Variants in GHR observed in about 807,000 individuals in gnomAD.
GHR encodes the protein GH receptor.
A neutral mutation model predicts 67.1 loss-of-function variants in GHR; 35 were observed. That is an observed-to-expected ratio of 0.52 (90% CI 0.40 to 0.69). The LOEUF (loss-of-function observed/expected upper bound fraction) is 0.69. Among genes scored for constraint, GHR ranks in the 30% least tolerant of loss-of-function variants. The pLI is 0.00. For synonymous variants in GHR, 272 were observed against 269.1 expected (o/e 1.01, Z -0.10); for missense variants, 792 against 764.6 (o/e 1.04, Z -0.42).
chr5:42,563,342 C>T (rs1246934547), intron 1 of GHR, among the ~76,000 whole-genome samples: 1 of 151,830 alleles, frequency 6.6e-6, no homozygotes, highest in Non-Finnish European at 1.5e-5. Context: ...AGGCTGGGCA[C>T]GGTGGCTCAT....
intron 3 of GHR, among the ~76,000 whole-genome samples, chr5:42,679,623 CAA>C (rs765140556): frequency 6.0e-5 from 8 of 133,134 alleles, no homozygotes; most frequent in Admixed American, 1.5e-4. Flanking sequence ...GACTGCATCT[CAA>C]AAAAAAAAAA....
intron 1 of GHR, among the ~76,000 whole-genome samples, chr5:42,474,295 G>GAGAAAGAAAGAAAGAAAAAA (rs1554054586): frequency 1.2e-5 from 1 of 81,070 alleles, no homozygotes; most frequent in South Asian, 4.5e-4. Flanking sequence ...AAAAGAGAAA[G>GAGAAAGAAAGAAAGAAAAAA]AGAAAGAAAG....
intron 1 of GHR, among the ~76,000 whole-genome samples, chr5:42,478,723 C>T (rs1385306554): frequency 6.6e-6 from 1 of 152,110 alleles, no homozygotes; most frequent in Non-Finnish European, 1.5e-5. Context: ...GTGATTTTTG[C>T]ATATTGATTT....
At chr5:42,543,436 G>T (rs535755429) in intron 1 of GHR, among the ~76,000 whole-genome samples, 63 of 152,218 alleles carry the variant, frequency 4.1e-4, no homozygotes, top group African/African-American at 1.5e-3. Flanking sequence ...TGGTGGTAAA[G>T]TATCTTAGTT....
chr5:42,603,484 G>T (rs1376724252), intron 2 of GHR, among the ~76,000 whole-genome samples: 1 of 151,718 alleles, frequency 6.6e-6, no homozygotes, highest in Admixed American at 6.6e-5. Flanking sequence ...ATGTATATGG[G>T]TTCACTTGAT....
At chr5:42,622,646 G>A (rs896188897) in intron 2 of GHR, among the ~76,000 whole-genome samples, 1 of 152,272 alleles carries the variant, frequency 6.6e-6, no homozygotes, top group African/African-American at 2.4e-5. Context: ...TGTATAGCTT[G>A]GTTGCTGTAT....
rs116549241 is a variant in GHR at position 42,550,809 on chromosome 5, T to C, written c.-11-15055T>C. On this transcript the variant is annotated intron_variant, in intron 1 of 9. Coordinates refer to ENST00000230882, the MANE Select transcript of GHR (RefSeq NM_000163.5). ...TAGTGTTTATTTGGCATAGCAGCTG[T>C]TCAGGTGGAGCCCAGGCAGAATTTT... 8.0e-3 allele frequency among the ~76,000 whole-genome samples: 1,224 copies of C among 152,228 alleles called. 6 individuals carry two copies. The highest frequency in any genetic ancestry group is 0.026 in the South Asian group (127 of 4,816).
intron 3 of GHR, among the ~76,000 whole-genome samples, chr5:42,654,344 A>G (rs1448661660): frequency 1.3e-5 from 2 of 152,156 alleles, no homozygotes; most frequent in African/African-American, 2.4e-5. Context: ...TTCTGTACCA[A>G]TGCCCTGCCC....
intron 1 of GHR, among the ~76,000 whole-genome samples, chr5:42,469,103 G>A (rs1409363072): frequency 6.6e-6 from 1 of 152,212 alleles, no homozygotes; most frequent in Non-Finnish European, 1.5e-5. Context: ...GTAGAAAGAA[G>A]CTTCTCTTGT....
At chr5:42,492,835 A>G (rs1381924591) in intron 1 of GHR, among the ~76,000 whole-genome samples, 1 of 152,206 alleles carries the variant, frequency 6.6e-6, no homozygotes, top group African/African-American at 2.4e-5. Context: ...CAAATTCAAG[A>G]TAAGACCCAA....
chr5:42,513,697 G>A (rs372918632), intron 1 of GHR, among the ~76,000 whole-genome samples: 1 of 152,000 alleles, frequency 6.6e-6, no homozygotes, highest in East Asian at 1.9e-4. Flanking sequence ...CAGGAGAATC[G>A]CTTGAACTCG....
At chr5:42,580,271 C>T (rs188904143) in intron 2 of GHR, among the ~76,000 whole-genome samples, 54 of 152,144 alleles carry the variant, frequency 3.5e-4, no homozygotes, top group Admixed American at 1.0e-3. Flanking sequence ...GTACTATTTT[C>T]GGTGCTTGCA....
chr5:42,474,586 G>A (rs997270771), intron 1 of GHR, among the ~76,000 whole-genome samples: 2 of 152,080 alleles, frequency 1.3e-5, no homozygotes, highest in African/African-American at 2.4e-5. Flanking sequence ...ACCTAAGCCT[G>A]GGAACCACGA....
At chr5:42,572,882 G>A (rs916159474) in intron 2 of GHR, among the ~76,000 whole-genome samples, 36 of 152,134 alleles carry the variant, frequency 2.4e-4, no homozygotes, top group Non-Finnish European at 2.9e-5. Context: ...GGGGGTAGGA[G>A]GCAGGTGAAG....
At chr5:42,648,323 G>A (rs1487679510) in intron 3 of GHR, among the ~76,000 whole-genome samples, 3 of 152,122 alleles carry the variant, frequency 2.0e-5, no homozygotes, top group African/African-American at 7.2e-5. Context: ...CAGTTAAACA[G>A]GGTGGCAGGG....
intron 3 of GHR, among the ~76,000 whole-genome samples, chr5:42,668,250 T>C (rs548631083): frequency 5.6e-4 from 85 of 152,322 alleles, no homozygotes; most frequent in African/African-American, 2.0e-3. Flanking sequence ...ATTGAGGCTT[T>C]CAATTTTTAT....
intron 3 of GHR, among the ~76,000 whole-genome samples, chr5:42,640,917 A>G (rs1686449724): frequency 6.6e-6 from 1 of 152,110 alleles, no homozygotes; most frequent in African/African-American, 2.4e-5. Flanking sequence ...TTGTCACTTT[A>G]CAACTGGAGC....
chr5:42,534,733 C>G (rs1390858115), intron 1 of GHR, among the ~76,000 whole-genome samples: 1 of 152,062 alleles, frequency 6.6e-6, no homozygotes, highest in African/African-American at 2.4e-5. Context: ...AAGGAATCTC[C>G]ACGCTCTTTT....
chr5:42,689,713 A>G (rs1757333952), intron 4 of GHR, among the ~76,000 whole-genome samples: 1 of 152,160 alleles, frequency 6.6e-6, no homozygotes, highest in Admixed American at 6.6e-5. Flanking sequence ...GGGATCAGAG[A>G]GTTACTTAGG....
Sources: allele counts gnomAD v4.1 joint callset (sites outside exome capture counted in the v4.1 genomes callset), GRCh38; gene constraint gnomAD v4.1.1; transcripts MANE v1.5; gene names NCBI Gene and HGNC (gene_info 2026-07-23, HGNC 2026-07-21).